The following RGMA variants were observed in gnomAD, a reference collection of about 807,000 sequenced individuals.
The protein encoded by RGMA is repulsive guidance molecule A.
Under a neutral mutation model 23.2 loss-of-function variants are expected in RGMA, and 10 were observed. That is an observed-to-expected ratio of 0.43 (90% CI 0.27 to 0.73). The LOEUF (loss-of-function observed/expected upper bound fraction) is 0.73. RGMA is among the 30% of genes least tolerant of loss of function. The pLI is 0.20. For synonymous variants in RGMA, 308 were observed against 279.3 expected (o/e 1.10, Z -1.03); for missense variants, 547 against 630.5 (o/e 0.87, Z 1.42).
intron 2 of RGMA, among the ~76,000 whole-genome samples, chr15:93,054,566 C>T (rs544761841): frequency 1.3e-5 from 2 of 152,172 alleles, no homozygotes; most frequent in African/African-American, 4.8e-5. Flanking sequence ...GTAAGATGTG[C>T]CTTTGCTTCT....
At chr15:93,072,109 C>A (rs1030564778) in intron 2 of RGMA, among the ~76,000 whole-genome samples, 2 of 151,564 alleles carry the variant, frequency 1.3e-5, no homozygotes, top group African/African-American at 2.4e-5. Context: ...CCTCCCCCCT[C>A]CCCCCGAAAG....
chr15:93,076,110 C>G (rs1353175514), intron 1 of RGMA, among the ~76,000 whole-genome samples: 3 of 152,216 alleles, frequency 2.0e-5, no homozygotes, highest in Admixed American at 1.3e-4. Flanking sequence ...TAGTTGACTT[C>G]AAACAAACAG....
Position 93,045,718 on chromosome 15 carries a change from G to A in RGMA, c.646-13C>T. On this transcript the variant is annotated splice_polypyrimidine_tract_variant and intron_variant, in intron 3 of 3. Coordinates refer to ENST00000329082, the MANE Select transcript of RGMA (RefSeq NM_020211.3). This position sits in a 1 kb window ranked among gnomAD's most constrained non-coding sequence, Gnocchi z 6.9. The stretch of plus-strand genomic sequence containing the variant: ...AGATGATGGTGAGCTGCCGGGGAAA[G>A]GGGCAGAGGAGAGTGGGTGAGGCAC... 1 of 1,591,202 alleles carries A rather than the reference G, an allele frequency of 6.3e-7. No homozygotes were observed. Among genetic ancestry groups the A allele is most frequent in the South Asian group, 1.1e-5 (1 of 90,844 alleles).
intron 2 of RGMA, chr15:93,065,534 A>G (rs1895114155): frequency 3.0e-6 from 2 of 658,764 alleles, no homozygotes; most frequent in Admixed American, 1.8e-5. Flanking sequence ...GGTCAGTTGG[A>G]AAAACTGGCA....
chr15:93,052,226 G>A lies in RGMA; in HGVS notation c.412C>T (p.Arg138Cys), dbSNP rs377705002. ...TLPPAGDSQE[R>C]SDSPEICHYE... ...TGGCAGATCTCGGGGCTGTCCGAGC[G>A]CTCCTGGCTGTCTCCGGCCGGTGGG... Residue 138 changes from arginine (R) to cysteine (C), a missense_variant, in exon 3 of 4, where the codon CGC (arginine) becomes TGC (cysteine). This residue lies in a region of RGMA where 214 missense variants were observed against 234.7 expected (regional missense o/e 0.91). Coordinates refer to ENST00000329082, the MANE Select transcript of RGMA (RefSeq NM_020211.3). 3.6e-5 allele frequency: 58 copies of A among 1,607,668 alleles called. No homozygotes were observed. The highest frequency in any genetic ancestry group is 6.6e-5 in the South Asian group (6 of 91,022).
intron 2 of RGMA, among the ~76,000 whole-genome samples, chr15:93,061,956 C>A (rs137926145): frequency 6.6e-6 from 1 of 152,082 alleles, no homozygotes; most frequent in Admixed American, 6.5e-5. Flanking sequence ...TGCTGCAGAG[C>A]CTGAACCCAG....
chr15:93,080,324 G>A (rs1256027690), intron 1 of RGMA, among the ~76,000 whole-genome samples: 1 of 152,142 alleles, frequency 6.6e-6, no homozygotes, highest in East Asian at 1.9e-4. Flanking sequence ...TCAGCCTCCC[G>A]AGTAGCTGGG....
At chr15:93,056,987 C>G (rs1441316587) in intron 2 of RGMA, among the ~76,000 whole-genome samples, 2 of 152,112 alleles carry the variant, frequency 1.3e-5, no homozygotes, top group Non-Finnish European at 2.9e-5. Context: ...TTGGAGGGAG[C>G]CTGCCCCTCC....
At chr15:93,055,974 A>T (rs11638068) in intron 2 of RGMA, among the ~76,000 whole-genome samples, 62,333 of 152,030 alleles carry the variant, frequency 0.41, 13,058 homozygotes, top group East Asian at 0.61. Context: ...CCACCCAGGT[A>T]CCCCGGAGAG....
intron 2 of RGMA, among the ~76,000 whole-genome samples, chr15:93,060,603 C>G (rs569498578): frequency 9.8e-5 from 15 of 152,352 alleles, no homozygotes; most frequent in Non-Finnish European, 2.1e-4. Context: ...CCCATTTGCT[C>G]CTGACTCGAG....
At chr15:93,046,638 G>C (rs1339847542) in intron 3 of RGMA, among the ~76,000 whole-genome samples, 1 of 152,158 alleles carries the variant, frequency 6.6e-6, no homozygotes, top group Non-Finnish European at 1.5e-5. Context: ...CTCAAAGAAA[G>C]AATGAATAGG....
intron 1 of RGMA, chr15:93,073,656 A>C (rs1195753017): frequency 6.5e-7 from 1 of 1,536,976 alleles, no homozygotes; most frequent in Non-Finnish European, 8.7e-7. Context: ...AGGCTGAAAA[A>C]CCCACTTCCG....
At chr15:93,088,869 G>T (rs1301789155) in intron 1 of RGMA, 50 bp downstream of exon 1, 2 of 1,479,896 alleles carry the variant, frequency 1.4e-6, no homozygotes, top group Non-Finnish European at 1.8e-6. Context: ...TGTCGGCGGC[G>T]CCTCGGAGAT....
intron 2 of RGMA, among the ~76,000 whole-genome samples, 194 bp downstream of exon 2, chr15:93,072,722 C>T (rs1465973380): frequency 1.3e-5 from 2 of 152,186 alleles, no homozygotes; most frequent in Admixed American, 1.3e-4. Context: ...GCAGGGTGCC[C>T]CTCTCCGGGT....
chr15:93,065,516 A>C, intron 2 of RGMA: 1 of 601,190 alleles, frequency 1.7e-6, no homozygotes, highest in Admixed American at 2.0e-5. Flanking sequence ...GGTACTGGGT[A>C]GGGTACAGGT....
intron 2 of RGMA, among the ~76,000 whole-genome samples, chr15:93,052,716 A>G (rs1186078007): frequency 6.6e-6 from 1 of 152,200 alleles, no homozygotes; most frequent in Non-Finnish European, 1.5e-5. Context: ...ACAAGCATGC[A>G]CACCAGCAGG....
intron 3 of RGMA, among the ~76,000 whole-genome samples, chr15:93,046,617 G>A (rs1381122466): frequency 2.0e-5 from 3 of 152,148 alleles, no homozygotes; most frequent in African/African-American, 4.8e-5. Context: ...GTGGAATGGA[G>A]GGAAATGATG....
At chr15:93,055,501 C>T (rs992141956) in intron 2 of RGMA, among the ~76,000 whole-genome samples, 23 of 152,226 alleles carry the variant, frequency 1.5e-4, no homozygotes, top group African/African-American at 5.3e-4. Flanking sequence ...ACTTCTTGCC[C>T]AAGTCTCACT....
intron 1 of RGMA, among the ~76,000 whole-genome samples, chr15:93,076,762 A>C (rs1477947156): frequency 1.3e-5 from 2 of 152,190 alleles, no homozygotes; most frequent in Non-Finnish European, 2.9e-5. Context: ...TTAAGTACGC[A>C]CCCAATAAAT....
Sources: gnomAD v4.1 joint callset for allele counts (sites outside exome capture counted in the v4.1 genomes callset) on GRCh38, gnomAD v4.1.1 for gene constraint, gnomAD v4.1.1 regional missense constraint, Gnocchi (gnomAD v3.1) non-coding constraint, MANE v1.5 for transcripts, NCBI Gene and HGNC (gene_info 2026-07-23, HGNC 2026-07-21) for gene names.